MECOM: variants seen among roughly 807,000 people sequenced by gnomAD.
MECOM encodes the protein MDS1 and EVI1 complex locus.
A neutral mutation model predicts 116.3 loss-of-function variants in MECOM; 13 were observed. That is an observed-to-expected ratio of 0.11 (90% CI 0.07 to 0.18). The LOEUF is 0.18. Among genes scored for constraint, MECOM ranks in the 10% least tolerant of loss-of-function variants. The pLI is 1.00. For synonymous variants in MECOM, 528 were observed against 535.2 expected (o/e 0.99, Z 0.19); for missense variants, 1,299 against 1,509.0 (o/e 0.86, Z 2.31).
At chr3:169,182,499 G>T (rs116736674) in intron 2 of MECOM, among the ~76,000 whole-genome samples, 3 of 152,190 alleles carry the variant, frequency 2.0e-5, no homozygotes, top group Non-Finnish European at 4.4e-5. Context: ...GTGAGTCTAC[G>T]TTTACAGGGA....
In MECOM at chr3:169,364,480, G is replaced by A. The variant is rs1318301896; in HGVS notation, c.375+16707C>T. Among the ~76,000 whole-genome samples, 9 of 151,960 alleles carry A rather than the reference G, an allele frequency of 5.9e-5. 1 individual carries two copies. Among genetic ancestry groups the A allele is most frequent in the African/African-American group, 1.9e-4 (8 of 41,414 alleles). ...GGTATAGACATAGGTTGATTATCAC[G>A]AGTCAACTGTGTGCTTAAAGAAACA... On this transcript the variant is annotated intron_variant, in intron 2 of 16. Coordinates refer to ENST00000651503, the MANE Select transcript of MECOM (RefSeq NM_004991.4).
chr3:169,339,661 A>G (rs1241073570), intron 2 of MECOM, among the ~76,000 whole-genome samples: 1 of 152,148 alleles, frequency 6.6e-6, no homozygotes, highest in African/African-American at 2.4e-5. Context: ...GTGTGTGTAT[A>G]TTAAGGTATG....
intron 1 of MECOM, among the ~76,000 whole-genome samples, chr3:169,518,233 TG>T (rs1272293199): frequency 6.6e-6 from 1 of 150,750 alleles, no homozygotes; most frequent in Non-Finnish European, 1.5e-5. Context: ...CACTCCAGCC[TG>T]GGCGACAGAG....
intron 8 of MECOM, among the ~76,000 whole-genome samples, chr3:169,115,182 C>T (rs1728757822): frequency 6.6e-6 from 1 of 152,060 alleles, no homozygotes; most frequent in South Asian, 2.1e-4. Context: ...ATTCCAAACC[C>T]CCAACTTCAG....
In MECOM at chr3:169,337,577, C is replaced by T. The variant is rs1009309718; in HGVS notation, c.375+43610G>A. Among the ~76,000 whole-genome samples, 75 of 152,256 alleles carry T rather than the reference C, an allele frequency of 4.9e-4. 1 individual carries two copies. The highest frequency in any genetic ancestry group is 1.5e-3 in the African/African-American group (64 of 41,550). ...TTGCCTGGGAATGAGTTTCCAGTTG[C>T]TGTTTACCTGTGTATGCCTTGCCTT... On this transcript the variant is annotated intron_variant, in intron 2 of 16. Coordinates refer to ENST00000651503, the MANE Select transcript of MECOM (RefSeq NM_004991.4).
At chr3:169,654,547 T>C (rs973284131) in intron 1 of MECOM, among the ~76,000 whole-genome samples, 2 of 152,142 alleles carry the variant, frequency 1.3e-5, no homozygotes, top group Non-Finnish European at 2.9e-5. Context: ...CTTCTCCCAC[T>C]GTGGAAAACC....
intron 1 of MECOM, among the ~76,000 whole-genome samples, chr3:169,507,584 T>A (rs981434482): frequency 4.7e-5 from 7 of 150,006 alleles, no homozygotes; most frequent in Non-Finnish European, 7.4e-5. Context: ...TTCATTTATA[T>A]CCAAGAATAG....
chr3:169,168,892 T>C (rs1169528908), intron 2 of MECOM, among the ~76,000 whole-genome samples: 1 of 151,884 alleles, frequency 6.6e-6, no homozygotes, highest in Non-Finnish European at 1.5e-5. Flanking sequence ...TAGGTTATTA[T>C]AGATAAAATT....
intron 14 of MECOM, among the ~76,000 whole-genome samples, chr3:169,092,361 G>T (rs1470923050): frequency 6.6e-6 from 1 of 151,572 alleles, no homozygotes; most frequent in African/African-American, 2.4e-5. Flanking sequence ...ATATTTGGGG[G>T]AAACTCCATG....
At chr3:169,165,757 C>T (rs1197672634) in intron 2 of MECOM, among the ~76,000 whole-genome samples, 1 of 152,154 alleles carries the variant, frequency 6.6e-6, no homozygotes, top group Non-Finnish European at 1.5e-5. Context: ...TAAAATGTGG[C>T]TCTTCCTTCT....
At chr3:169,265,051 A>G (rs1758095565) in intron 2 of MECOM, among the ~76,000 whole-genome samples, 1 of 152,190 alleles carries the variant, frequency 6.6e-6, no homozygotes, top group African/African-American at 2.4e-5. Flanking sequence ...AAAAAGTTAG[A>G]TAAAGCTCAG....
intron 1 of MECOM, among the ~76,000 whole-genome samples, chr3:169,595,879 T>G (rs538849566): frequency 1.8e-4 from 27 of 151,856 alleles, no homozygotes; most frequent in African/African-American, 4.3e-4. Flanking sequence ...TTAAATAACT[T>G]TTGGCACATT....
intron 2 of MECOM, among the ~76,000 whole-genome samples, chr3:169,327,368 G>A (rs1056996150): frequency 1.3e-5 from 2 of 152,046 alleles, no homozygotes; most frequent in Non-Finnish European, 2.9e-5. Context: ...GGCTGGGCAC[G>A]GTGGCTCACG....
At chr3:169,146,772 A>G in intron 2 of MECOM, 5 of 1,155,058 alleles carry the variant, frequency 4.3e-6, no homozygotes, top group Non-Finnish European at 5.4e-6. Flanking sequence ...TTCACAGAAG[A>G]ATCAAAATAA....
At chr3:169,152,711 C>G (rs988724362) in intron 2 of MECOM, among the ~76,000 whole-genome samples, 1 of 152,156 alleles carries the variant, frequency 6.6e-6, no homozygotes, top group Non-Finnish European at 1.5e-5. Flanking sequence ...AGCATGGGAT[C>G]CTTCATAAAT....
chr3:169,402,005 G>T (rs994409970), intron 1 of MECOM, among the ~76,000 whole-genome samples: 4 of 152,136 alleles, frequency 2.6e-5, no homozygotes, highest in East Asian at 1.9e-4. Flanking sequence ...TTTAAAATTG[G>T]CAGAAAGCAG....
At chr3:169,522,350 T>C (rs367590805) in intron 1 of MECOM, among the ~76,000 whole-genome samples, 2 of 152,204 alleles carry the variant, frequency 1.3e-5, no homozygotes, top group African/African-American at 4.8e-5. Flanking sequence ...GGCACCAATT[T>C]CCATGTATTA....
chr3:169,116,331 C>A lies in MECOM; in HGVS notation c.1541G>T (p.Gly514Val). 2 of 1,614,120 alleles carry A rather than the reference C, an allele frequency of 1.2e-6. No individual in the cohort carries two copies. Among genetic ancestry groups the A allele is most frequent in the Non-Finnish European group, 1.7e-6 (2 of 1,180,036 alleles). ...PLIPASSPVK[G>V]LSSTEQTNKS... ...GTTTGTCTGTTCAGTACTTGATAGT[C>A]CTTTAACAGGAGAACTAGCAGGTAT... is the stretch of plus-strand genomic sequence containing the variant. Residue 514 changes from glycine to valine, a missense_variant, in exon 8 of 17, where the codon GGA becomes GTA. Physicochemically the swap from Gly to Val is moderately radical, Grantham distance 109. Around this residue, in one of 6 missense-constraint regions of MECOM, gnomAD observed 238 missense variants for 273.1 expected, o/e 0.87. Coordinates refer to ENST00000651503, the MANE Select transcript of MECOM (RefSeq NM_004991.4).
At chr3:169,175,973 G>A (rs1411718237) in intron 2 of MECOM, among the ~76,000 whole-genome samples, 1 of 152,008 alleles carries the variant, frequency 6.6e-6, no homozygotes, top group African/African-American at 2.4e-5. Context: ...AATTCTTCAG[G>A]TCTAGTTTCT....
Sources: allele counts gnomAD v4.1 joint callset (sites outside exome capture counted in the v4.1 genomes callset), GRCh38; gene constraint gnomAD v4.1.1; regional missense constraint gnomAD v4.1.1; transcripts MANE v1.5; gene names NCBI Gene and HGNC (gene_info 2026-07-23, HGNC 2026-07-21).